Variants in NVL observed in about 807,000 individuals in gnomAD.
NVL encodes the protein nuclear VCP like.
NVL carries 84 observed loss-of-function variants against 110.2 expected under a neutral mutation model. The ratio of observed to expected loss-of-function variants is 0.76; its 90% CI spans 0.64 to 0.91. The LOEUF (loss-of-function observed/expected upper bound fraction) is 0.91. NVL is among the 40% of genes least tolerant of loss of function. NVL has a pLI of 0.00. For synonymous variants in NVL, 354 were observed against 361.1 expected, an observed-to-expected ratio of 0.98 and a Z score of 0.22; for missense variants, 882 against 1,035.9, an observed-to-expected ratio of 0.85 and a Z score of 2.04.
At chr1:224,250,984 C>A (rs1437643733) in intron 18 of NVL, among the ~76,000 whole-genome samples, 1 of 151,388 alleles carries the variant, frequency 6.6e-6, no homozygotes. Flanking sequence ...TTAAAAAATG[C>A]AATTAACGGC....
At chr1:224,317,826 A>G (rs1468648721) in intron 3 of NVL, 33 bp from the exon 4 acceptor site, 1 of 1,559,434 alleles carries the variant, frequency 6.4e-7, no homozygotes, top group Non-Finnish European at 8.8e-7. Context: ...ATGAGCTAAA[A>G]CAATCGTTTG....
chr1:224,292,744 A>G (rs555827268), intron 12 of NVL, among the ~76,000 whole-genome samples: 8 of 151,092 alleles, frequency 5.3e-5, no homozygotes, highest in Admixed American at 1.3e-4. Context: ...CCCCTTCCTC[A>G]TTAAATACCT....
chr1:224,273,753 C>T (rs1393543847), intron 17 of NVL, among the ~76,000 whole-genome samples: 1 of 152,138 alleles, frequency 6.6e-6, no homozygotes, highest in African/African-American at 2.4e-5. Flanking sequence ...TAACAAAGTG[C>T]TGTGTTTTGC....
At chr1:224,316,493 C>A (rs1041843638) in intron 4 of NVL, among the ~76,000 whole-genome samples, 5 of 151,864 alleles carry the variant, frequency 3.3e-5, no homozygotes, top group African/African-American at 1.2e-4. Flanking sequence ...TGAGACCAAC[C>A]TGGGCAACAT....
At chr1:224,229,165 A>G (rs950081892) in intron 22 of NVL, among the ~76,000 whole-genome samples, 2 of 148,278 alleles carry the variant, frequency 1.3e-5, no homozygotes, top group Admixed American at 1.4e-4. Context: ...GTGTGGTGGC[A>G]CATGCCTGTA....
Position 224,272,631 on chromosome 1 carries a change from C to A in NVL, c.2082+2708G>T, listed in dbSNP as rs376111265. Among the ~76,000 whole-genome samples the A allele has an allele frequency of 1.8e-4, 28 of 151,454 alleles. No individual in the cohort carries two copies. The East Asian group carries it at 5.3e-3, about 29-fold the overall frequency. On this transcript the variant is annotated intron_variant, in intron 17 of 22. Coordinates refer to ENST00000281701, the MANE Select transcript of NVL (RefSeq NM_002533.4). ...ACTTGGGAGGCTGAGTCAGGAAAAT[C>A]GCTTGAACCTGGGAGGCAGAGGCTG...
intron 10 of NVL, among the ~76,000 whole-genome samples, chr1:224,298,984 A>G (rs1220180577): frequency 2.0e-5 from 3 of 152,204 alleles, no homozygotes; most frequent in South Asian, 2.1e-4. Context: ...AATGAAAAAA[A>G]TTGAAGAAAA....
intron 4 of NVL, chr1:224,313,013 G>T: frequency 7.5e-6 from 2 of 267,814 alleles, no homozygotes; most frequent in South Asian, 6.4e-5. Context: ...TAAAAAATTA[G>T]CTGGGCATGC....
At chr1:224,261,674 A>G (rs1663999179) in intron 18 of NVL, among the ~76,000 whole-genome samples, 1 of 152,168 alleles carries the variant, frequency 6.6e-6, no homozygotes, top group South Asian at 2.1e-4. Flanking sequence ...GGCTAGGGCT[A>G]TGCACGGTGG....
rs571271958 is a variant in NVL at position 224,228,949 on chromosome 1, A to C, written c.2527-1279T>G. Among the ~76,000 whole-genome samples, 8 of 138,492 alleles carry C rather than the reference A, an allele frequency of 5.8e-5. No homozygotes were observed. The East Asian group carries it at 1.3e-3, about 22-fold the overall frequency. 90.9% of individuals were successfully genotyped at this position (138,492 alleles called of 152,430 possible). ...CAAAAAAAAAAAAAAAAAAAAAAGA[A>C]ATTGCCAGAATGTTTTCCAGTGTGG... On this transcript the variant is annotated intron_variant, in intron 22 of 22. Transcript: ENST00000281701.
chr1:224,236,979 C>T (rs898118100), intron 19 of NVL, among the ~76,000 whole-genome samples: 3 of 152,188 alleles, frequency 2.0e-5, no homozygotes, highest in African/African-American at 7.2e-5. Context: ...ATGAGTATAA[C>T]TGACTTCCAG....
intron 15 of NVL, among the ~76,000 whole-genome samples, chr1:224,284,621 C>T (rs1666681008): frequency 6.6e-6 from 1 of 152,070 alleles, no homozygotes; most frequent in African/African-American, 2.4e-5. Flanking sequence ...CTCAAGTGAT[C>T]CACCCGCCTC....
chr1:224,312,810 G>C (rs1463877701), intron 4 of NVL: 1 of 121,450 alleles, frequency 8.2e-6, no homozygotes, highest in African/African-American at 3.2e-5. Context: ...CACAGTACGA[G>C]ACTCTGCCTA....
chr1:224,256,510 G>T (rs780746855), intron 18 of NVL, among the ~76,000 whole-genome samples: 1 of 151,396 alleles, frequency 6.6e-6, no homozygotes, highest in Non-Finnish European at 1.5e-5. Context: ...AAGGTAAAGG[G>T]GAATACTGAT....
intron 2 of NVL, among the ~76,000 whole-genome samples, chr1:224,322,955 A>C (rs1168382212): frequency 2.8e-5 from 4 of 145,356 alleles, no homozygotes; most frequent in Non-Finnish European, 6.1e-5. Context: ...CTCCATCTCC[A>C]AAAAAAAAAA....
intron 1 of NVL, among the ~76,000 whole-genome samples, chr1:224,327,184 C>T (rs1241065156): frequency 1.3e-5 from 2 of 151,474 alleles, no homozygotes; most frequent in African/African-American, 2.4e-5. Flanking sequence ...GGCTCACACC[C>T]GTAATCCCAG....
chr1:224,294,341 G>T lies in NVL; in HGVS notation c.1251C>A (p.Asp417Glu), dbSNP rs1442248207. 1.9e-6 allele frequency: 3 copies of T among 1,614,058 alleles called. No homozygotes were observed. Among genetic ancestry groups the T allele is most frequent in the Non-Finnish European group, 2.5e-6 (3 of 1,180,018 alleles). The change falls in exon 12 of 23, where the codon GAC becomes GAA. Residue 417 changes from aspartate (D) to glutamate (E), a missense_variant. Asp to Glu is a conservative substitution (Grantham distance 45). Coordinates refer to ENST00000281701, the MANE Select transcript of NVL (RefSeq NM_002533.4). ...IGATNRPDSLDPALRRAGRFD... is the reference protein window; with the variant it reads ...IGATNRPDSLEPALRRAGRFD... ...ACCTTCCCGCACGTCTCAAAGCAGG[G>T]TCTAACGAGTCTGGTCGATTAGTAG...
At chr1:224,240,184 C>T (rs1222089696) in intron 19 of NVL, among the ~76,000 whole-genome samples, 3 of 151,646 alleles carry the variant, frequency 2.0e-5, no homozygotes, top group Non-Finnish European at 4.4e-5. Flanking sequence ...TCTCCTGCCT[C>T]AGCCCCCCAA....
At chr1:224,295,567 G>A (rs1159418165) in intron 11 of NVL, among the ~76,000 whole-genome samples, 1 of 151,840 alleles carries the variant, frequency 6.6e-6, no homozygotes, top group African/African-American at 2.4e-5. Flanking sequence ...TCAAAGACAT[G>A]GCAAGAAAAT....
Sources: allele counts gnomAD v4.1 joint callset (sites outside exome capture counted in the v4.1 genomes callset), GRCh38; gene constraint gnomAD v4.1.1; transcripts MANE v1.5; gene names NCBI Gene and HGNC (gene_info 2026-07-23, HGNC 2026-07-21).